Variants in TENM3 observed in about 807,000 individuals in gnomAD.
TENM3 encodes teneurin transmembrane protein 3.
A neutral mutation model predicts 255.1 loss-of-function variants in TENM3; 63 were observed. The observed-to-expected ratio is 0.25, with a 90% CI of 0.20 to 0.30. TENM3 has a LOEUF of 0.30. Among genes scored for constraint, TENM3 ranks in the 10% least tolerant of loss-of-function variants. The pLI is 1.00. For synonymous variants in TENM3, 1,306 were observed against 1,322.3 expected (o/e 0.99, Z 0.27); for missense variants, 2,929 against 3,461.1 (o/e 0.85, Z 3.86).
At chr4:182,151,996 G>T (rs528886349) in intron 1 of TENM3, among the ~76,000 whole-genome samples, 3 of 151,918 alleles carry the variant, frequency 2.0e-5, no homozygotes, top group Non-Finnish European at 4.4e-5. Context: ...TTTTATGATG[G>T]TATCAGTAAT....
At chr4:181,844,002 G>A in the TENM3 span, among the ~76,000 whole-genome samples, 2 of 152,092 alleles carry the variant, frequency 1.3e-5, no homozygotes, top group African/African-American at 4.8e-5. Flanking sequence ...ACAGACATGA[G>A]CCACCGCGCC....
chr4:182,253,350 G>A (rs1361607592), intron 1 of TENM3, among the ~76,000 whole-genome samples: 3 of 152,186 alleles, frequency 2.0e-5, no homozygotes, highest in Admixed American at 2.0e-4. Context: ...GCACGTGCCT[G>A]TAATCCCAGC....
At chr4:181,666,009 T>A in the TENM3 span, among the ~76,000 whole-genome samples, 1 of 152,170 alleles carries the variant, frequency 6.6e-6, no homozygotes, top group East Asian at 1.9e-4. Flanking sequence ...TTCTGTAAAC[T>A]TAATCATGAT....
intron 3 of TENM3, among the ~76,000 whole-genome samples, chr4:182,355,342 A>C (rs950314253): frequency 1.2e-4 from 18 of 152,110 alleles, no homozygotes; most frequent in African/African-American, 3.9e-4. Flanking sequence ...ATGCTAAGGG[A>C]TTTGCACGTT....
chr4:182,586,790 T>C (rs1287715292), intron 3 of TENM3, among the ~76,000 whole-genome samples: 2 of 152,186 alleles, frequency 1.3e-5, no homozygotes, highest in Admixed American at 6.5e-5. Context: ...TTGACTTTGA[T>C]GTAAAACATT....
rs371154837 is a variant in TENM3, at chr4:182,764,900, G to A, written c.4893-8572G>A. Among the ~76,000 whole-genome samples, 21 of 152,226 alleles carry A rather than the reference G, an allele frequency of 1.4e-4. No individual in the cohort carries two copies. The South Asian group carries it at 2.9e-3, about 21-fold the overall frequency. ...TAAGGTAGAAAAGTAGGTTAGGAAA[G>A]GAAAGGTAGGAGGCAGTAGAGGTCA... On this transcript the variant is annotated intron_variant, in intron 22 of 27. Transcript: ENST00000511685.
rs777457308 is a variant in TENM3 at position 182,731,050 on chromosome 4, G to T, written c.2878G>T (p.Val960Leu). The part of the protein sequence containing the change: ...DIPSCDLSGF[V>L]RPNPIIVSSP... ...TCCCAGCTGTGATCTGAGTGGATTC[G>T]TGAGGCCAAATCCCATCATTGTGTC... Residue 960 changes from valine to leucine, a missense_variant, in exon 16 of 28, where the codon GTG (valine) becomes TTG (leucine). This residue lies in a region of TENM3 where 1,608 missense variants were observed against 1,884.4 expected (regional missense o/e 0.85). Coordinates refer to ENST00000511685, the MANE Select transcript of TENM3 (RefSeq NM_001080477.4). 2 of 1,613,836 alleles carry T rather than the reference G, an allele frequency of 1.2e-6. No individual in the cohort carries two copies. The highest frequency in any genetic ancestry group is 2.2e-5 in the East Asian group (1 of 44,880).
chr4:182,793,204 C>T lies in TENM3; in HGVS notation c.6532C>T (p.Arg2178Ter). 6.2e-7 allele frequency: 1 copy of T among 1,613,860 alleles called. No individual in the cohort carries two copies. The highest frequency in any genetic ancestry group is 8.5e-7 in the Non-Finnish European group (1 of 1,179,820). ...TCTGACACCCCTTCGCTATGACCTG[C>T]GAGACAGAATCACTCGACTGGGTGA... ...ARLTPLRYDL[R>*]DRITRLGDVQ... is the part of the protein sequence containing the mutation. Residue 2178 changes from arginine (R) to a stop codon, truncating the protein, a stop_gained, in exon 26 of 28, where the codon CGA (arginine) becomes TGA (stop). Coordinates refer to ENST00000511685, the MANE Select transcript of TENM3 (RefSeq NM_001080477.4). LOFTEE classifies it high-confidence loss of function. This position sits in a 1 kb window ranked among gnomAD's most constrained non-coding sequence, Gnocchi z 5.7.
chr4:182,171,157 A>G lies in TENM3; in HGVS notation c.-76+26403A>G, dbSNP rs542442788. Among the ~76,000 whole-genome samples the G allele has an allele frequency of 3.3e-5, 5 of 152,350 alleles. No homozygotes were observed. In the East Asian group the frequency reaches 9.6e-4, roughly 29 times the overall value. ...GAATAAAAAGTAGCTTTCAGCTAAC[A>G]AGGCAGTAACACAAAAATATATTAA... is the stretch of plus-strand genomic sequence containing the variant. On this transcript the variant is annotated intron_variant, in intron 1 of 2. Coordinates refer to the TENM3 transcript ENST00000512480.
the TENM3 span, among the ~76,000 whole-genome samples, chr4:182,115,413 T>C: frequency 4.6e-5 from 7 of 152,322 alleles, no homozygotes; most frequent in Non-Finnish European, 8.8e-5. Flanking sequence ...CAGTTATTCA[T>C]TCAATAATCA....
chr4:182,413,243 A>G (rs562008581), intron 3 of TENM3, among the ~76,000 whole-genome samples: 7 of 152,268 alleles, frequency 4.6e-5, no homozygotes, highest in African/African-American at 1.4e-4. Context: ...AGGAAAAAAA[A>G]AGACACTTTT....
At chr4:182,704,619 A>G (rs1758131093) in intron 12 of TENM3, among the ~76,000 whole-genome samples, 1 of 152,172 alleles carries the variant, frequency 6.6e-6, no homozygotes, top group Admixed American at 6.5e-5. Context: ...AAGTTGAAGT[A>G]TGGTATTTTG....
chr4:181,543,327 T>TACACAAA, the TENM3 span, among the ~76,000 whole-genome samples: 1 of 151,440 alleles, frequency 6.6e-6, no homozygotes, highest in South Asian at 2.1e-4. Flanking sequence ...AAGGATAAAA[T>TACACAAA]GTAAGGGGAG....
At chr4:182,502,046 G>A (rs1736368516) in intron 3 of TENM3, among the ~76,000 whole-genome samples, 1 of 152,122 alleles carries the variant, frequency 6.6e-6, no homozygotes, top group Non-Finnish European at 1.5e-5. Flanking sequence ...ATTGTGAACT[G>A]TGGAAATCAC....
At chr4:182,230,811 ACTATATATATATATATAT>A (rs1756507930) in intron 1 of TENM3, among the ~76,000 whole-genome samples, 1 of 59,258 alleles carries the variant, frequency 1.7e-5, no homozygotes, top group African/African-American at 6.7e-5. Flanking sequence ...AGTTTCTCAA[ACTATATATATATATATAT>A]ATATATATAT....
the TENM3 span, among the ~76,000 whole-genome samples, chr4:181,875,231 A>G: frequency 6.6e-6 from 1 of 152,296 alleles, no homozygotes; most frequent in African/African-American, 2.4e-5. Context: ...GTTAATACCT[A>G]TTATTAATTT....
At chr4:182,675,111 G>A (rs1485541824) in intron 7 of TENM3, among the ~76,000 whole-genome samples, 1 of 151,788 alleles carries the variant, frequency 6.6e-6, no homozygotes, top group Non-Finnish European at 1.5e-5. Flanking sequence ...CCCAACCTCA[G>A]GTGATCTGCC....
chr4:181,627,349 T>C, the TENM3 span, among the ~76,000 whole-genome samples: 1 of 151,014 alleles, frequency 6.6e-6, no homozygotes, highest in Non-Finnish European at 1.5e-5. Context: ...TTTTTATTTT[T>C]ATTATACTTA....
chr4:181,784,593 C>T, the TENM3 span, among the ~76,000 whole-genome samples: 1 of 151,950 alleles, frequency 6.6e-6, no homozygotes, highest in Non-Finnish European at 1.5e-5. Flanking sequence ...AATTATTCTC[C>T]CCTGTGAATT....
Sources: gnomAD v4.1 joint callset for allele counts (sites outside exome capture counted in the v4.1 genomes callset) on GRCh38, gnomAD v4.1.1 for gene constraint, gnomAD v4.1.1 regional missense constraint, Gnocchi (gnomAD v3.1) non-coding constraint, MANE v1.5 for transcripts, NCBI Gene and HGNC (gene_info 2026-07-23, HGNC 2026-07-21) for gene names.